Variants in AXIN2 observed in about 807,000 individuals in gnomAD.
The protein encoded by AXIN2 is axin-2.
A neutral mutation model predicts 74.7 loss-of-function variants in AXIN2; 21 were observed. The ratio of observed to expected loss-of-function variants is 0.28; its 90% confidence interval spans 0.20 to 0.40. The LOEUF (loss-of-function observed/expected upper bound fraction) is 0.40. AXIN2 is among the 10% of genes least tolerant of loss of function. AXIN2 has a pLI of 1.00. For missense variants in AXIN2, 1,144 were observed against 1,111.1 expected, an observed-to-expected ratio of 1.03 and a Z score of -0.42; for synonymous variants, 532 against 454.9, an observed-to-expected ratio of 1.17 and a Z score of -2.16.
rs2043944122 is a variant in AXIN2 at position 65,537,309 on chromosome 17, C to A, written c.1712+15G>T. 1.2e-6 allele frequency: 2 copies of A among 1,613,760 alleles called. No homozygotes were observed. Among genetic ancestry groups the A allele is most frequent in the Non-Finnish European group, 1.7e-6 (2 of 1,180,044 alleles). On this transcript the variant is annotated intron_variant, in intron 6 of 10. Coordinates refer to ENST00000307078, the MANE Select transcript of AXIN2 (RefSeq NM_004655.4). ...CAAGCCCCACACGGGACACTGCGGT[C>A]CGCCCGGCACTTACCCAAACTGCTC...
rs537098902 is a variant in AXIN2, at chr17:65,542,151, A to AG, written c.957-595dup. 3.9e-3 allele frequency among the ~76,000 whole-genome samples: 597 copies of AG among 152,362 alleles called. 4 individuals are homozygous for AG. The highest frequency in any genetic ancestry group is 4.1e-3 in the Non-Finnish European group (276 of 68,044). On this transcript the variant is annotated intron_variant, in intron 3 of 10. Transcript: ENST00000307078. ...TTAATAAAAAGAATATATAACATTT[A>AG]GGCCCCTTCTCTCAGCTCCAAACCC...
intron 3 of AXIN2, among the ~76,000 whole-genome samples, chr17:65,543,310 T>TA (rs2044069423): frequency 6.6e-6 from 1 of 152,180 alleles, no homozygotes; most frequent in South Asian, 2.1e-4. Flanking sequence ...AACAGCCTCC[T>TA]ACTCATGAGG....
rs2043786134 is a variant in AXIN2, at chr17:65,529,826, CCCGAAGGCCCACTGGCCGATTCTT to C, written c.*126_*149del. ...ATGAAAATCAACCTCCCCCCGCCCT[CCCGAAGGCCCACTGGCCGATTCTT>C]CCTTAGACTTTGTCTTCTTCATTGG... On this transcript the variant is annotated 3_prime_UTR_variant, in exon 11 of 11. Coordinates refer to ENST00000307078, the MANE Select transcript of AXIN2 (RefSeq NM_004655.4). 1 of 1,327,752 alleles carries C rather than the reference CCCGAAGGCCCACTGGCCGATTCTT, an allele frequency of 7.5e-7. No homozygotes were observed. The highest frequency in any genetic ancestry group is 1.1e-6 in the Non-Finnish European group (1 of 948,516). 82.2% of individuals were successfully genotyped at this position (1,327,752 alleles called of 1,614,324 possible).
chr17:65,535,911 T>A (rs951724816), intron 8 of AXIN2, among the ~76,000 whole-genome samples, 190 bp from the exon 9 acceptor site: 1 of 152,140 alleles, frequency 6.6e-6, no homozygotes, highest in South Asian at 2.1e-4. Context: ...GGAACAGCCA[T>A]TCTAAGCCCC....
At chr17:65,550,438 T>C (rs932971757) in intron 2 of AXIN2, among the ~76,000 whole-genome samples, 3 of 152,194 alleles carry the variant, frequency 2.0e-5, no homozygotes, top group African/African-American at 4.8e-5. Context: ...GCTCCTAATT[T>C]CACCCTCCTG....
At position 65,557,787 on chromosome 17, in the gene AXIN2, GC is replaced by G; in HGVS notation, c.815+18del. On this transcript the variant is annotated intron_variant, in intron 2 of 10. Transcript: ENST00000307078. ...CAAAGTCCACAGCATCAGCCCACCC[GC>G]CCCCGTCAAAGTCTTACCTGTATCC... is the stretch of plus-strand genomic sequence containing the variant. 2 of 1,611,950 alleles carry G rather than the reference GC, an allele frequency of 1.2e-6. No individual in the cohort carries two copies. The highest frequency in any genetic ancestry group is 1.1e-5 in the South Asian group (1 of 91,004).
chr17:65,549,386 C>T (rs1309037853), intron 3 of AXIN2, 134 bp downstream of exon 3: 5 of 1,097,022 alleles, frequency 4.6e-6, no homozygotes, highest in Non-Finnish European at 6.7e-6. Flanking sequence ...ATACTCCCCT[C>T]CCACCAAACT....
intron 2 of AXIN2, among the ~76,000 whole-genome samples, chr17:65,555,943 G>A (rs772733456): frequency 6.6e-6 from 1 of 151,900 alleles, no homozygotes; most frequent in Non-Finnish European, 1.5e-5. Context: ...CGTGAATCTC[G>A]TATGGAAACT....
Position 65,537,536 on chromosome 17 carries a change from G to A in AXIN2, c.1500C>T (p.Leu500=), listed in dbSNP as rs745903369. 3 of 1,613,298 alleles carry A rather than the reference G, an allele frequency of 1.9e-6. No homozygotes were observed. The highest frequency in any genetic ancestry group is 2.5e-6 in the Non-Finnish European group (3 of 1,179,872). ...GCTTGGTCACAAAGCCTTTGCCCCC[G>A]AGGAGGGGGCAGGCGCCCGGCGAGG... is the stretch of plus-strand genomic sequence containing the variant. ...AAASPGACPL[L]GGKGFVTKQT... Residue 500 remains leucine (L), a synonymous_variant, in exon 6 of 11, where the codon CTC becomes CTT. Transcript: ENST00000307078.
chr17:65,535,787 G>A, intron 8 of AXIN2, 66 bp from the exon 9 acceptor site: 2 of 1,455,712 alleles, frequency 1.4e-6, no homozygotes, highest in Non-Finnish European at 9.6e-7. Context: ...TTGAAAAGCA[G>A]ACAGAAAATT....
In AXIN2 at chr17:65,529,926, T is replaced by C; in HGVS notation, c.*50A>G. 1.2e-6 allele frequency: 2 copies of C among 1,613,324 alleles called. No homozygotes were observed. The highest frequency in any genetic ancestry group is 2.2e-5 in the South Asian group (2 of 91,026). ...TCGCAGTTGCTCACAGCCAAGACAG[T>C]TCACAAGAGCTTCGGGCTCCAACAG... On this transcript the variant is annotated 3_prime_UTR_variant, in exon 11 of 11. Transcript: ENST00000307078.
Position 65,558,696 on chromosome 17 carries a change from T to G in AXIN2, c.-76A>C. On this transcript the variant is annotated 5_prime_UTR_variant, in exon 2 of 11. Transcript: ENST00000307078. ...CTCTCAGCAATCGGCGTGGTCTCTC[T>G]GTCTCTCTCAAGTCAGCAGGGGCTC... The G allele has an allele frequency of 5.5e-6, 8 of 1,454,724 alleles. No individual in the cohort carries two copies. Among genetic ancestry groups the G allele is most frequent in the Non-Finnish European group, 7.5e-6 (8 of 1,070,142 alleles). 90.1% of individuals were successfully genotyped at this position (1,454,724 alleles called of 1,614,324 possible).
Position 65,559,600 on chromosome 17 carries a change from G to A in AXIN2, c.-116-864C>T, listed in dbSNP as rs1206027543. The A allele has an allele frequency of 2.6e-5, 4 of 152,138 alleles. No individual in the cohort carries two copies. The East Asian group carries it at 7.8e-4, about 29-fold the overall frequency. 9.4% of individuals were successfully genotyped at this position (152,138 alleles called of 1,614,324 possible). ...CCCCCGTGCCCCCAACCCACCTCCCGGATCCGCGAAACCTACAAAACTGGA... is the reference window on the plus strand; with the variant it reads ...CCCCCGTGCCCCCAACCCACCTCCCAGATCCGCGAAACCTACAAAACTGGA... On this transcript the variant is annotated intron_variant, in intron 1 of 10. Transcript: ENST00000307078.
chr17:65,541,695 T>C (rs974739510), intron 3 of AXIN2, 138 bp from the exon 4 acceptor site: 1 of 765,042 alleles, frequency 1.3e-6, no homozygotes, highest in African/African-American at 1.7e-5. Flanking sequence ...TGTCTCCAGA[T>C]ACCATCGGTG....
intron 10 of AXIN2, among the ~76,000 whole-genome samples, chr17:65,532,363 G>A (rs1043714819): frequency 6.6e-6 from 1 of 152,176 alleles, no homozygotes; most frequent in African/African-American, 2.4e-5. Context: ...AGATCAAAAT[G>A]AATCCCCAGA....
Position 65,537,065 on chromosome 17 carries a change from T to C in AXIN2, c.1713-2A>G, listed in dbSNP as rs766170422. Reference sequence around the variant, plus strand: ...GGCAAGGTACTGCCTCTGCTGCCGCTGTGGGGAACCAAGAACCACACCCAA... The same window carrying C: ...GGCAAGGTACTGCCTCTGCTGCCGCCGTGGGGAACCAAGAACCACACCCAA... On this transcript the variant is annotated splice_acceptor_variant, in intron 6 of 10. Transcript: ENST00000307078. LOFTEE classifies it high-confidence loss of function. 8.1e-6 allele frequency: 13 copies of C among 1,602,460 alleles called. No homozygotes were observed. In the South Asian group the frequency reaches 9.9e-5, roughly 12 times the overall value.
chr17:65,558,623 T>C lies in AXIN2; in HGVS notation c.-3A>G, dbSNP rs1057522465. The C allele has an allele frequency of 1.2e-6, 2 of 1,604,668 alleles. No individual in the cohort carries two copies. The highest frequency in any genetic ancestry group is 1.7e-6 in the Non-Finnish European group (2 of 1,179,770). Reference sequence around the variant, plus strand: ...GTCACCAACATAGCGCTACTCATGGTGAGGGAGCTCTTCCCACTGAGTCTG... The same window carrying C: ...GTCACCAACATAGCGCTACTCATGGCGAGGGAGCTCTTCCCACTGAGTCTG... On this transcript the variant is annotated 5_prime_UTR_variant, in exon 2 of 11. Transcript: ENST00000307078.
Position 65,537,941 on chromosome 17 carries a change from TGCACGCCCACAGCCACGCCCATGC to T in AXIN2, c.1201-130_1201-107del, listed in dbSNP as rs1424374247. 13 of 1,444,410 alleles carry T rather than the reference TGCACGCCCACAGCCACGCCCATGC, an allele frequency of 9.0e-6. No individual in the cohort carries two copies. The Admixed American group carries it at 1.7e-4, about 19-fold the overall frequency. 89.5% of individuals were successfully genotyped at this position (1,444,410 alleles called of 1,614,324 possible). A position where few individuals can be genotyped will look rare whatever the true frequency, so the allele number is the denominator to read the frequency against. On this transcript the variant is annotated intron_variant, in intron 5 of 10. Coordinates refer to ENST00000307078, the MANE Select transcript of AXIN2 (RefSeq NM_004655.4). ...CTACGCAGGAGCACGCACACCCGTG[TGCACGCCCACAGCCACGCCCATGC>T]GCACACGCACAGGCCCGCCTACACA...
intron 3 of AXIN2, among the ~76,000 whole-genome samples, chr17:65,546,404 C>A (rs927308330): frequency 1.3e-5 from 2 of 152,146 alleles, no homozygotes; most frequent in Admixed American, 6.5e-5. Flanking sequence ...GGTGACCGCC[C>A]GGTGCTGGGC....
Sources: gnomAD v4.1 joint callset for allele counts (sites outside exome capture counted in the v4.1 genomes callset) on GRCh38, gnomAD v4.1.1 for gene constraint, MANE v1.5 for transcripts, NCBI Gene and HGNC (gene_info 2026-07-23, HGNC 2026-07-21) for gene names.